DCAF6: variants seen among roughly 807,000 people sequenced by gnomAD.
DCAF6 encodes DDB1 and CUL4 associated factor 6, also known as DDB1- and CUL4-associated factor 6.
A neutral mutation model predicts 125.1 loss-of-function variants in DCAF6; 54 were observed. That is an observed-to-expected ratio of 0.43 (90% CI 0.35 to 0.54). The LOEUF (loss-of-function observed/expected upper bound fraction) is 0.54, where lower values mean the gene tolerates loss of function less well. DCAF6 is among the 20% of genes least tolerant of loss of function. The pLI is 0.01. For synonymous variants in DCAF6, 371 were observed against 390.4 expected, an observed-to-expected ratio of 0.95 and a Z score of 0.58; for missense variants, 934 against 1,161.7, an observed-to-expected ratio of 0.80 and a Z score of 2.85.
the DCAF6 span, among the ~76,000 whole-genome samples, chr1:167,867,622 A>T: frequency 1.3e-5 from 2 of 152,192 alleles, no homozygotes; most frequent in Non-Finnish European, 2.9e-5. Context: ...ACAGTTTTTT[A>T]AAATAAATTA....
chr1:167,921,761 C>T, the DCAF6 span, among the ~76,000 whole-genome samples: 7 of 152,046 alleles, frequency 4.6e-5, no homozygotes, highest in African/African-American at 1.4e-4. Context: ...ATATAGGATG[C>T]ACTGTAGTGT....
At chr1:167,929,448 A>AT in the DCAF6 span, among the ~76,000 whole-genome samples, 1 of 152,172 alleles carries the variant, frequency 6.6e-6, no homozygotes, top group Non-Finnish European at 1.5e-5. Flanking sequence ...TTTGTGTTTT[A>AT]TTGCCTTATT....
At chr1:167,927,168 ATCC>A in the DCAF6 span, among the ~76,000 whole-genome samples, 1 of 152,344 alleles carries the variant, frequency 6.6e-6, no homozygotes, top group East Asian at 1.9e-4. Flanking sequence ...ACACTGCTTC[ATCC>A]TCAAGGCTGG....
the DCAF6 span, chr1:167,883,371 A>G: frequency 1.3e-6 from 2 of 1,554,282 alleles, no homozygotes; most frequent in Non-Finnish European, 1.8e-6. Context: ...ATTCTCACCA[A>G]TGTGCTTGTC....
At chr1:167,908,991 G>A in the DCAF6 span, among the ~76,000 whole-genome samples, 144 of 152,262 alleles carry the variant, frequency 9.5e-4, no homozygotes, top group Middle Eastern at 3.4e-3. Context: ...GAGCAAATCC[G>A]TGTAATACCC....
At chr1:167,939,627 G>C (rs1438057126) in intron 1 of DCAF6, among the ~76,000 whole-genome samples, 2 of 152,152 alleles carry the variant, frequency 1.3e-5, no homozygotes. Context: ...GCCGGGAGTG[G>C]TGGCGTACGC....
the DCAF6 span, among the ~76,000 whole-genome samples, chr1:167,897,061 G>A: frequency 6.6e-6 from 1 of 151,870 alleles, no homozygotes; most frequent in African/African-American, 2.4e-5. Context: ...AAGGACGGGG[G>A]CTGATGGCCA....
At chr1:168,002,195 A>G (rs1255076453) in intron 7 of DCAF6, among the ~76,000 whole-genome samples, 3 of 152,178 alleles carry the variant, frequency 2.0e-5, no homozygotes, top group Non-Finnish European at 4.4e-5. Context: ...CTGGAAGGTG[A>G]TACAGGTGGG....
intron 10 of DCAF6, among the ~76,000 whole-genome samples, chr1:168,012,667 A>G (rs903942939): frequency 1.3e-5 from 2 of 152,202 alleles, no homozygotes; most frequent in African/African-American, 4.8e-5. Flanking sequence ...GAATTTTTTA[A>G]TTCAATACTT....
the DCAF6 span, among the ~76,000 whole-genome samples, chr1:167,898,607 TA>T: frequency 4.2e-3 from 402 of 94,920 alleles, 1 homozygote; most frequent in Admixed American, 8.9e-3. Flanking sequence ...TTTTTTTTTT[TA>T]AAAAAAGAAT....
intron 10 of DCAF6, among the ~76,000 whole-genome samples, chr1:168,008,711 C>A (rs866340194): frequency 2.6e-5 from 4 of 151,944 alleles, no homozygotes; most frequent in Non-Finnish European, 4.4e-5. Flanking sequence ...ATATGGCCTG[C>A]CCTTCCCTGT....
intron 10 of DCAF6, among the ~76,000 whole-genome samples, chr1:168,011,737 G>A (rs1193902011): frequency 1.3e-5 from 2 of 152,132 alleles, no homozygotes; most frequent in African/African-American, 4.8e-5. Context: ...CAGCACTTTG[G>A]AAGGCCGAGG....
chr1:167,929,321 T>C, the DCAF6 span, among the ~76,000 whole-genome samples: 1 of 151,846 alleles, frequency 6.6e-6, no homozygotes, highest in African/African-American at 2.4e-5. Flanking sequence ...ATTGCACCAT[T>C]GCACTCCAGC....
At chr1:167,962,542 A>G (rs1007544437) in intron 2 of DCAF6, among the ~76,000 whole-genome samples, 1 of 152,150 alleles carries the variant, frequency 6.6e-6, no homozygotes, top group Non-Finnish European at 1.5e-5. Flanking sequence ...TTGTATTAGT[A>G]TGATATATTT....
At chr1:167,918,461 C>G in the DCAF6 span, 1 of 713,598 alleles carries the variant, frequency 1.4e-6, no homozygotes, top group Non-Finnish European at 2.3e-6. Context: ...TCTTGGTGGT[C>G]AAGTAGCTAT....
the DCAF6 span, among the ~76,000 whole-genome samples, chr1:167,879,037 T>G: frequency 5.3e-5 from 8 of 152,206 alleles, no homozygotes; most frequent in African/African-American, 1.9e-4. Context: ...TAAAATTGTG[T>G]CTGCATGCTC....
At chr1:168,021,523 G>A (rs918293641) in intron 11 of DCAF6, among the ~76,000 whole-genome samples, 3 of 152,108 alleles carry the variant, frequency 2.0e-5, no homozygotes, top group Non-Finnish European at 2.9e-5. Context: ...AGTAAAGCAC[G>A]AATAGATTAG....
At chr1:168,037,097 C>G in intron 12 of DCAF6, among the ~76,000 whole-genome samples, 1 of 137,432 alleles carries the variant, frequency 7.3e-6, no homozygotes, top group Non-Finnish European at 1.5e-5. Flanking sequence ...ATGAGATTCT[C>G]CCCCCCCTTT....
At chr1:167,932,808 C>CAAAAAAAAAAAAAAAA (rs965449372), upstream of DCAF6, among the ~76,000 whole-genome samples, 1 of 54,912 alleles carries the variant, frequency 1.8e-5, no homozygotes, top group Non-Finnish European at 4.2e-5. Flanking sequence ...GACTCTGTCT[C>CAAAAAAAAAAAAAAAA]AAAAAAAAAA....
Sources: gnomAD v4.1 joint callset for allele counts (sites outside exome capture counted in the v4.1 genomes callset) on GRCh38, gnomAD v4.1.1 for gene constraint, MANE v1.5 for transcripts, NCBI Gene and HGNC (gene_info 2026-07-23, HGNC 2026-07-21) for gene names.